The following HEMK2 variants were observed in gnomAD, a reference collection of about 807,000 sequenced individuals.
HEMK2 encodes HemK methyltransferase 2, ETF1 glutamine and histone H4 lysine, also known as methyltransferase HEMK2.
chr21:28,685,664 A>G, the HEMK2 span, among the ~76,000 whole-genome samples: 1 of 152,210 alleles, frequency 6.6e-6, no homozygotes, highest in African/African-American at 2.4e-5. Flanking sequence ...AGGTAAGGAC[A>G]GATTTTCATC....
At chr21:28,781,164 TG>T in the HEMK2 span, among the ~76,000 whole-genome samples, 2 of 152,206 alleles carry the variant, frequency 1.3e-5, no homozygotes, top group African/African-American at 4.8e-5. Flanking sequence ...ACAGCAGATA[TG>T]AAAGAGGCAA....
chr21:28,643,331 T>G, the HEMK2 span, among the ~76,000 whole-genome samples: 3 of 152,254 alleles, frequency 2.0e-5, no homozygotes, highest in East Asian at 5.8e-4. Context: ...ATTAGTACCC[T>G]TATAAAAGAG....
At chr21:28,682,417 G>C in the HEMK2 span, among the ~76,000 whole-genome samples, 2 of 150,260 alleles carry the variant, frequency 1.3e-5, no homozygotes, top group African/African-American at 4.9e-5. Flanking sequence ...TGCTGGAGAG[G>C]ATGTGGAGAA....
At chr21:28,670,269 T>C in the HEMK2 span, among the ~76,000 whole-genome samples, 1 of 152,320 alleles carries the variant, frequency 6.6e-6, no homozygotes, top group South Asian at 2.1e-4. Context: ...ACAGTCTAAA[T>C]GGGCAAAGGA....
the HEMK2 span, among the ~76,000 whole-genome samples, chr21:28,692,173 A>AT: frequency 2.6e-5 from 4 of 152,298 alleles, no homozygotes; most frequent in African/African-American, 9.6e-5. Flanking sequence ...GACCCATGAG[A>AT]TTCCTTGCAA....
chr21:28,809,978 T>C, the HEMK2 span, among the ~76,000 whole-genome samples: 1 of 152,306 alleles, frequency 6.6e-6, no homozygotes, highest in East Asian at 1.9e-4. Context: ...TGCTATATAA[T>C]GTCATGGTCT....
At chr21:28,860,337 C>T in the HEMK2 span, among the ~76,000 whole-genome samples, 1 of 152,016 alleles carries the variant, frequency 6.6e-6, no homozygotes, top group African/African-American at 2.4e-5. Context: ...CTGGACTCCA[C>T]GTTCTTCAGT....
At chr21:28,736,523 A>T in the HEMK2 span, among the ~76,000 whole-genome samples, 1 of 152,170 alleles carries the variant, frequency 6.6e-6, no homozygotes, top group South Asian at 2.1e-4. Context: ...TGGGAGGCCG[A>T]GGTAGGCAGA....
chr21:28,628,619 A>G, the HEMK2 span, among the ~76,000 whole-genome samples: 2 of 152,096 alleles, frequency 1.3e-5, no homozygotes, highest in African/African-American at 4.8e-5. Flanking sequence ...CACCCAGCTA[A>G]TTTTTGTATT....
At chr21:28,704,525 C>A in the HEMK2 span, among the ~76,000 whole-genome samples, 1 of 144,210 alleles carries the variant, frequency 6.9e-6, no homozygotes. Flanking sequence ...TTCTTCATAC[C>A]ATGATATTCA....
the HEMK2 span, among the ~76,000 whole-genome samples, chr21:28,765,511 G>C: frequency 1.3e-5 from 2 of 152,184 alleles, 1 homozygote; most frequent in South Asian, 4.1e-4. Flanking sequence ...CTGGCTTTTA[G>C]TCCTAAGAAT....
chr21:28,807,682 G>C, the HEMK2 span, among the ~76,000 whole-genome samples: 1 of 152,138 alleles, frequency 6.6e-6, no homozygotes, highest in Non-Finnish European at 1.5e-5. Context: ...CCTTAGTGGA[G>C]AGCCATCAGC....
chr21:28,718,088 C>T, the HEMK2 span, among the ~76,000 whole-genome samples: 3 of 152,074 alleles, frequency 2.0e-5, no homozygotes. Context: ...CTTAACACTG[C>T]TTTTGCTGCA....
At chr21:28,869,210 T>C in the HEMK2 span, among the ~76,000 whole-genome samples, 1 of 152,232 alleles carries the variant, frequency 6.6e-6, no homozygotes, top group Admixed American at 6.5e-5. Context: ...TCCACATCTG[T>C]TGAGGTGATA....
the HEMK2 span, among the ~76,000 whole-genome samples, chr21:28,799,732 A>G: frequency 1.3e-5 from 2 of 152,242 alleles, no homozygotes; most frequent in African/African-American, 2.4e-5. Flanking sequence ...GAGATTTTCA[A>G]AAATGTTCCC....
At chr21:28,800,302 A>G in the HEMK2 span, among the ~76,000 whole-genome samples, 1 of 152,172 alleles carries the variant, frequency 6.6e-6, no homozygotes, top group Non-Finnish European at 1.5e-5. Flanking sequence ...TCACGTTGTA[A>G]CAGAAAAACC....
the HEMK2 span, among the ~76,000 whole-genome samples, chr21:28,785,839 A>G: frequency 1.3e-5 from 2 of 152,204 alleles, no homozygotes; most frequent in South Asian, 2.1e-4. Context: ...CGTATACACC[A>G]TATTCCTTAC....
At chr21:28,830,582 A>C in the HEMK2 span, among the ~76,000 whole-genome samples, 1 of 152,238 alleles carries the variant, frequency 6.6e-6, no homozygotes, top group Non-Finnish European at 1.5e-5. Flanking sequence ...TTTTTTAAAA[A>C]AATGTATGGA....
the HEMK2 span, among the ~76,000 whole-genome samples, chr21:28,773,405 C>A: frequency 2.0e-5 from 3 of 152,146 alleles, no homozygotes; most frequent in Non-Finnish European, 4.4e-5. Flanking sequence ...GCATCTTTAA[C>A]AACTAGAAAT....
Sources: gnomAD v4.1 joint callset for allele counts (sites outside exome capture counted in the v4.1 genomes callset) on GRCh38, gnomAD v4.1.1 for gene constraint, MANE v1.5 for transcripts, NCBI Gene and HGNC (gene_info 2026-07-23, HGNC 2026-07-21) for gene names.